Variants in LRRC69 observed in about 807,000 individuals in gnomAD.
The protein encoded by LRRC69 is leucine rich repeat containing 69, also known as leucine-rich repeat-containing protein 69.
LRRC69 carries 42 observed loss-of-function variants against 37.8 expected under a neutral mutation model. That is an observed-to-expected ratio of 1.11 (90% CI 0.87 to 1.44). LRRC69 has a LOEUF of 1.44. Ranked by LOEUF, LRRC69 falls within the 40% of genes most tolerant of loss-of-function variation. The probability of loss-of-function intolerance (pLI) is 0.00; values close to 1 mark genes in which losing one functional copy is unlikely to be tolerated. For synonymous variants in LRRC69, 141 were observed against 143.1 expected (o/e 0.99, Z 0.11); for missense variants, 357 against 401.9 (o/e 0.89, Z 0.96).
intron 5 of LRRC69, among the ~76,000 whole-genome samples, chr8:91,178,327 C>T (rs1347948333): frequency 6.6e-6 from 1 of 152,064 alleles, no homozygotes; most frequent in Non-Finnish European, 1.5e-5. Context: ...TGATATGGCC[C>T]CTCCTCTTTC....
intron 3 of LRRC69, among the ~76,000 whole-genome samples, chr8:91,129,603 C>G (rs1456683928): frequency 1.3e-5 from 2 of 151,780 alleles, no homozygotes; most frequent in Non-Finnish European, 2.9e-5. Context: ...GAAAATTCCC[C>G]ATCCCTTTCC....
intron 1 of LRRC69, among the ~76,000 whole-genome samples, chr8:91,110,378 C>T (rs1026997878): frequency 1.3e-5 from 2 of 151,978 alleles, no homozygotes; most frequent in African/African-American, 2.4e-5. Flanking sequence ...GTGGCTCACG[C>T]CTGTAATCCA....
At chr8:91,185,130 G>A (rs1267711846) in intron 5 of LRRC69, among the ~76,000 whole-genome samples, 3 of 152,186 alleles carry the variant, frequency 2.0e-5, no homozygotes, top group African/African-American at 7.2e-5. Flanking sequence ...GTCTAAAGCA[G>A]GTATGGGGTG....
intron 5 of LRRC69, among the ~76,000 whole-genome samples, chr8:91,161,570 A>AT (rs1198335274): frequency 6.6e-6 from 1 of 150,976 alleles, no homozygotes; most frequent in Admixed American, 6.6e-5. Context: ...AGGTTTTCCA[A>AT]TTTTTTGGCA....
intron 5 of LRRC69, chr8:91,157,160 T>G: frequency 1.4e-6 from 1 of 721,794 alleles, no homozygotes; most frequent in Non-Finnish European, 2.5e-6. Context: ...AAGAGTGTCA[T>G]TGGTATTTTG....
rs558664640 is a variant in LRRC69, at chr8:91,176,398, G to A, written c.652-13124G>A. Among the ~76,000 whole-genome samples, 8 of 151,916 alleles carry A rather than the reference G, an allele frequency of 5.3e-5. No homozygotes were observed. In the East Asian group the frequency reaches 1.5e-3, roughly 29 times the overall value. ...CTGACCTTGTGATCTGCCTGCCTAGGCCTCCCAAAGTGCTGGAATTACAGG... is the reference window on the plus strand; with the variant it reads ...CTGACCTTGTGATCTGCCTGCCTAGACCTCCCAAAGTGCTGGAATTACAGG... On this transcript the variant is annotated intron_variant, in intron 5 of 7. Transcript: ENST00000448384.
intron 5 of LRRC69, among the ~76,000 whole-genome samples, chr8:91,159,059 A>G (rs917295552): frequency 2.6e-5 from 4 of 151,208 alleles, no homozygotes; most frequent in African/African-American, 9.7e-5. Context: ...ATCTATGACC[A>G]GATATTCTCC....
intron 5 of LRRC69, among the ~76,000 whole-genome samples, chr8:91,144,577 TC>T (rs1211573548): frequency 6.6e-6 from 1 of 152,006 alleles, no homozygotes; most frequent in African/African-American, 2.4e-5. Flanking sequence ...ATTCCCTTTT[TC>T]TTAGACACTT....
intron 5 of LRRC69, among the ~76,000 whole-genome samples, chr8:91,153,820 A>G (rs1563607024): frequency 6.6e-6 from 1 of 152,026 alleles, no homozygotes; most frequent in Non-Finnish European, 1.5e-5. Flanking sequence ...AAGCAAGAGC[A>G]AACAAATCCA....
chr8:91,121,515 G>C (rs1247166815), intron 1 of LRRC69, among the ~76,000 whole-genome samples: 2 of 151,774 alleles, frequency 1.3e-5, no homozygotes, highest in African/African-American at 4.8e-5. Flanking sequence ...CCTCCATTGG[G>C]GTCTTTATTT....
intron 3 of LRRC69, among the ~76,000 whole-genome samples, chr8:91,128,561 C>G (rs1045359878): frequency 6.6e-6 from 1 of 152,058 alleles, no homozygotes; most frequent in East Asian, 1.9e-4. Flanking sequence ...AAAGTTTCTT[C>G]ACTTTCCTAT....
intron 5 of LRRC69, among the ~76,000 whole-genome samples, chr8:91,175,936 A>G (rs1809216384): frequency 6.6e-6 from 1 of 151,324 alleles, no homozygotes; most frequent in Admixed American, 6.6e-5. Context: ...CCAGTGTAAC[A>G]ATATTTCTTT....
downstream of LRRC69, chr8:91,219,005 G>C: frequency 2.0e-6 from 3 of 1,502,146 alleles, no homozygotes; most frequent in Non-Finnish European, 2.7e-6. Context: ...GTGTAGAACA[G>C]GTGAGGTGCT....
chr8:91,213,588 T>A (rs771792707), intron 7 of LRRC69, among the ~76,000 whole-genome samples: 2 of 152,084 alleles, frequency 1.3e-5, no homozygotes, highest in Non-Finnish European at 2.9e-5. Flanking sequence ...AAAATTTGAG[T>A]TTAAATGCTA....
At chr8:91,204,458 T>C (rs1190276017) in intron 7 of LRRC69, among the ~76,000 whole-genome samples, 4 of 152,216 alleles carry the variant, frequency 2.6e-5, no homozygotes, top group Non-Finnish European at 5.9e-5. Context: ...ATATGGCCTC[T>C]ATGCTGGGGA....
Position 91,133,294 on chromosome 8 carries a change from G to A in LRRC69, c.568G>A (p.Val190Ile), listed in dbSNP as rs909865287. 8.6e-6 allele frequency: 13 copies of A among 1,503,292 alleles called. 1 individual carries two copies. Among genetic ancestry groups the A allele is most frequent in the African/African-American group, 8.6e-5 (6 of 69,500 alleles). The allele number at this position is 1,503,292 out of a possible 1,614,324, so 93.1% of individuals were successfully genotyped here. A position where few individuals can be genotyped will look rare whatever the true frequency, so the allele number is the denominator to read the frequency against. Reference sequence around the variant, plus strand: ...TTTGCTAGCCAGAAACAACATTGGAGTTTTGCCGGAGGTAAGCAAAACATG... The same window carrying A: ...TTTGCTAGCCAGAAACAACATTGGAATTTTGCCGGAGGTAAGCAAAACATG... The change falls in exon 4 of 8, where the codon GTT (valine) becomes ATT (isoleucine). Residue 190 changes from valine to isoleucine, a missense_variant. Physicochemically the swap from Val to Ile is conservative, Grantham distance 29 (BLOSUM62 3). Coordinates refer to ENST00000448384, the Ensembl canonical transcript of LRRC69.
At chr8:91,125,646 A>C (rs1813702577) in intron 2 of LRRC69, among the ~76,000 whole-genome samples, 1 of 151,736 alleles carries the variant, frequency 6.6e-6, no homozygotes, top group Non-Finnish European at 1.5e-5. Context: ...ACCTATACTG[A>C]GGGGACAAAT....
chr8:91,146,220 CTAATGAAAG>C (rs2130537053), intron 5 of LRRC69, among the ~76,000 whole-genome samples: 1 of 151,744 alleles, frequency 6.6e-6, no homozygotes, highest in South Asian at 2.1e-4. Context: ...AACCAAGTAC[CTAATGAAAG>C]TAATTCAGGA....
At chr8:91,207,509 G>A (rs1008066892) in intron 7 of LRRC69, among the ~76,000 whole-genome samples, 1 of 152,202 alleles carries the variant, frequency 6.6e-6, no homozygotes, top group African/African-American at 2.4e-5. Flanking sequence ...CAGTAAATGG[G>A]ATAGTCCCTG....
Sources: gnomAD v4.1 joint callset for allele counts (sites outside exome capture counted in the v4.1 genomes callset) on GRCh38, gnomAD v4.1.1 for gene constraint, MANE v1.5 for transcripts, NCBI Gene and HGNC (gene_info 2026-07-23, HGNC 2026-07-21) for gene names.